Variants in AKAIN1 observed in about 807,000 individuals in gnomAD.
The protein encoded by AKAIN1 is A-kinase anchor inhibitor 1.
In AKAIN1, 3 loss-of-function variants were observed where a neutral mutation model predicts 3.7. The ratio of observed to expected loss-of-function variants is 0.82; its 90% CI spans 0.37 to 2.12. AKAIN1 has a LOEUF of 2.12. Among genes scored for constraint, AKAIN1 ranks in the 30% most tolerant of loss-of-function variants. The pLI is 0.06. For synonymous variants in AKAIN1, 31 were observed against 30.8 expected (o/e 1.01, Z -0.02); for missense variants, 82 against 82.7 (o/e 0.99, Z 0.03).
intron 1 of AKAIN1, among the ~76,000 whole-genome samples, chr18:5,153,779 A>G (rs1454790177): frequency 6.6e-6 from 1 of 152,208 alleles, no homozygotes; most frequent in Non-Finnish European, 1.5e-5. Context: ...GTACAACACC[A>G]AGAGTAAACC....
rs188016322 is a variant in AKAIN1 at position 5,174,619 on chromosome 18, C to T, written c.16+22419G>A. The stretch of plus-strand genomic sequence containing the variant: ...AGCAGAGCATGGTGGCGTGCCCTTA[C>T]AGTCCCAGCTACCTGGGAGGCTGAG... On this transcript the variant is annotated intron_variant, in intron 1 of 1. Coordinates refer to ENST00000434239, the MANE Select transcript of AKAIN1 (RefSeq NM_001145194.2). Among the ~76,000 whole-genome samples the T allele has an allele frequency of 8.8e-3, 1,331 of 152,076 alleles. 14 individuals are homozygous for T. Among genetic ancestry groups the T allele is most frequent in the Middle Eastern group, 0.034 (10 of 294 alleles).
intron 1 of AKAIN1, among the ~76,000 whole-genome samples, chr18:5,194,912 A>G (rs1044245313): frequency 4.6e-5 from 7 of 152,208 alleles, no homozygotes; most frequent in African/African-American, 9.7e-5. Context: ...AGATTATTAT[A>G]GAGATTTAGA....
In AKAIN1 at chr18:5,197,253, A is replaced by C. The variant is rs398573; in HGVS notation, c.-200T>G. 1.0e-2 allele frequency: 13,751 copies of C among 1,379,104 alleles called. 1,212 individuals carry two copies. In the African/African-American group the frequency reaches 0.19, roughly 19 times the overall value. 85.4% of individuals were successfully genotyped at this position (1,379,104 alleles called of 1,614,324 possible). A position where few individuals can be genotyped will look rare whatever the true frequency, so the allele number is the denominator to read the frequency against. On this transcript the variant is annotated 5_prime_UTR_variant, in exon 1 of 2. Transcript: ENST00000434239. This position sits in a 1 kb window ranked among gnomAD's most constrained non-coding sequence, Gnocchi z 6.9. ...AGCCGCCGCCGCGCGCTCTGCCTCCACAATGCGGCCACAGCGGCGGCGGGA... is the reference window on the plus strand; with the variant it reads ...AGCCGCCGCCGCGCGCTCTGCCTCCCCAATGCGGCCACAGCGGCGGCGGGA...
rs2071039924 is a variant in AKAIN1, at chr18:5,144,926, ATCAT to A, written c.*632_*635del. Among the ~76,000 whole-genome samples the A allele has an allele frequency of 6.6e-6, 1 of 152,262 alleles. No individual in the cohort carries two copies. The highest frequency in any genetic ancestry group is 2.4e-5 in the African/African-American group (1 of 41,474). ...ACAGAGCATAAACACCAATTATGAA[ATCAT>A]TCAGAGAATTGAGACTAAAAGACTG... On this transcript the variant is annotated 3_prime_UTR_variant, in exon 2 of 2. Coordinates refer to ENST00000434239, the MANE Select transcript of AKAIN1 (RefSeq NM_001145194.2).
chr18:5,166,496 G>A (rs1324225591), intron 1 of AKAIN1, among the ~76,000 whole-genome samples: 1 of 151,908 alleles, frequency 6.6e-6, no homozygotes, highest in African/African-American at 2.4e-5. Flanking sequence ...CCTGTTTTGT[G>A]TCCAAAAGCA....
intron 1 of AKAIN1, among the ~76,000 whole-genome samples, chr18:5,181,100 C>T (rs954094403): frequency 2.0e-5 from 3 of 151,286 alleles, no homozygotes; most frequent in African/African-American, 7.3e-5. Flanking sequence ...TCAGTCTGGT[C>T]ACTGAGTGAA....
chr18:5,155,625 C>T (rs74684052), intron 1 of AKAIN1, among the ~76,000 whole-genome samples: 1,691 of 152,288 alleles, frequency 0.011, 36 homozygotes, highest in African/African-American at 0.038. Context: ...AGCTGACAAA[C>T]AGAAAGTTCA....
At chr18:5,181,455 T>A (rs1054691756) in intron 1 of AKAIN1, among the ~76,000 whole-genome samples, 1 of 152,162 alleles carries the variant, frequency 6.6e-6, no homozygotes, top group African/African-American at 2.4e-5. Context: ...CATTTACTTA[T>A]ATAAAGTCGT....
intron 1 of AKAIN1, among the ~76,000 whole-genome samples, chr18:5,181,034 T>A (rs2071254986): frequency 6.6e-6 from 1 of 151,750 alleles, no homozygotes; most frequent in South Asian, 2.1e-4. Context: ...ATGCCTATAA[T>A]AGCAACAATT....
At chr18:5,169,274 T>C (rs1226921972) in intron 1 of AKAIN1, among the ~76,000 whole-genome samples, 2 of 152,102 alleles carry the variant, frequency 1.3e-5, no homozygotes, top group Non-Finnish European at 2.9e-5. Flanking sequence ...GATCTAATAA[T>C]TTAAATGTTA....
chr18:5,185,291 A>G (rs1426794706), intron 1 of AKAIN1, among the ~76,000 whole-genome samples: 1 of 152,220 alleles, frequency 6.6e-6, no homozygotes, highest in African/African-American at 2.4e-5. Context: ...CCTGGCAAAG[A>G]TTTCATGAAG....
intron 1 of AKAIN1, among the ~76,000 whole-genome samples, chr18:5,154,275 T>C (rs945704673): frequency 2.0e-5 from 3 of 152,080 alleles, no homozygotes; most frequent in African/African-American, 7.2e-5. Context: ...TCACTGGAGG[T>C]AGAGGCACAG....
In AKAIN1 at chr18:5,145,573, C is replaced by A; in HGVS notation, c.199G>T (p.Glu67Ter). The A allele has an allele frequency of 6.4e-7, 1 of 1,551,256 alleles. No homozygotes were observed. The highest frequency in any genetic ancestry group is 8.7e-7 in the Non-Finnish European group (1 of 1,146,826). The stretch of plus-strand genomic sequence containing the variant: ...CCAAATCCACCATGTTACTTCTTTT[C>A]GTGCTTCTTGGTTAACTCCCCAACG... ...LGVGELTKKH[E>*]KK Residue 67 changes from glutamate to a stop codon, truncating the protein, a stop_gained, in exon 2 of 2, where the codon GAA becomes TAA. Coordinates refer to ENST00000434239, the MANE Select transcript of AKAIN1 (RefSeq NM_001145194.2). LOFTEE classifies it high-confidence loss of function.
chr18:5,172,558 T>C (rs2071203918), intron 1 of AKAIN1, among the ~76,000 whole-genome samples: 1 of 152,098 alleles, frequency 6.6e-6, no homozygotes, highest in African/African-American at 2.4e-5. Context: ...ACTTAAAATA[T>C]ATTTTTACAT....
At chr18:5,194,820 T>C (rs2071338878) in intron 1 of AKAIN1, among the ~76,000 whole-genome samples, 1 of 152,174 alleles carries the variant, frequency 6.6e-6, no homozygotes, top group East Asian at 1.9e-4. Flanking sequence ...CCCTGTTTCT[T>C]CCCTTTCTGA....
chr18:5,165,831 T>C (rs1450650814), intron 1 of AKAIN1, among the ~76,000 whole-genome samples: 7 of 151,982 alleles, frequency 4.6e-5, no homozygotes, highest in Admixed American at 6.6e-5. Context: ...TAAACGGCCA[T>C]TGCCCACTGA....
chr18:5,159,306 G>A (rs538157853), intron 1 of AKAIN1: 1 of 152,074 alleles, frequency 6.6e-6, no homozygotes, highest in South Asian at 2.1e-4. Flanking sequence ...GTCTCACCCT[G>A]TGTCTCAGGG....
chr18:5,193,537 T>G (rs567051682), intron 1 of AKAIN1, among the ~76,000 whole-genome samples: 2 of 152,302 alleles, frequency 1.3e-5, no homozygotes, highest in East Asian at 1.9e-4. Context: ...GAAACCTGAT[T>G]GTTCAGAGTC....
intron 1 of AKAIN1, among the ~76,000 whole-genome samples, chr18:5,173,453 G>A (rs952949101): frequency 6.6e-6 from 1 of 152,114 alleles, no homozygotes; most frequent in African/African-American, 2.4e-5. Context: ...ACAGAAATCA[G>A]GGGTTGAGTT....
Sources: gnomAD v4.1 joint callset for allele counts (sites outside exome capture counted in the v4.1 genomes callset) on GRCh38, gnomAD v4.1.1 for gene constraint, Gnocchi (gnomAD v3.1) non-coding constraint, MANE v1.5 for transcripts, NCBI Gene and HGNC (gene_info 2026-07-23, HGNC 2026-07-21) for gene names.